Variants in GRIA4 observed in about 807,000 individuals in gnomAD.
GRIA4 encodes the protein glutamate receptor 4.
In GRIA4, 34 loss-of-function variants were observed where a neutral mutation model predicts 104.0. The ratio of observed to expected loss-of-function variants is 0.33; its 90% confidence interval spans 0.25 to 0.44. The LOEUF (loss-of-function observed/expected upper bound fraction) is 0.44. Ranked by LOEUF, GRIA4 falls within the 20% of genes least tolerant of loss-of-function variation. The pLI is 1.00. For missense variants in GRIA4, 750 were observed against 1,096.5 expected (o/e 0.68, Z 4.46); for synonymous variants, 386 against 381.9 (o/e 1.01, Z -0.13).
At chr11:105,891,099 T>A (rs1314970562) in intron 6 of GRIA4, among the ~76,000 whole-genome samples, 1 of 152,228 alleles carries the variant, frequency 6.6e-6, no homozygotes, top group African/African-American at 2.4e-5. Context: ...ATTGCTTCCC[T>A]AATTTGCCCC....
intron 4 of GRIA4, among the ~76,000 whole-genome samples, chr11:105,831,955 C>A (rs561600613): frequency 6.6e-6 from 1 of 151,974 alleles, no homozygotes; most frequent in African/African-American, 2.4e-5. Flanking sequence ...GAGAAGTAAG[C>A]GTAGCAGAGA....
chr11:105,891,773 C>A (rs1462547732), intron 6 of GRIA4, among the ~76,000 whole-genome samples: 3 of 152,066 alleles, frequency 2.0e-5, no homozygotes, highest in Non-Finnish European at 2.9e-5. Flanking sequence ...TATTTTATAA[C>A]CCCTCTGTAA....
intron 4 of GRIA4, among the ~76,000 whole-genome samples, chr11:105,766,846 A>C (rs970051240): frequency 2.0e-5 from 3 of 152,106 alleles, no homozygotes; most frequent in African/African-American, 7.2e-5. Context: ...CACATGTGTA[A>C]GAAGACCTCA....
intron 7 of GRIA4, among the ~76,000 whole-genome samples, chr11:105,903,483 G>A (rs1349377421): frequency 6.6e-6 from 1 of 152,180 alleles, no homozygotes; most frequent in Non-Finnish European, 1.5e-5. Flanking sequence ...ATTAGCCTTT[G>A]ATACATTAGC....
chr11:105,632,931 T>G (rs4754133), intron 3 of GRIA4, among the ~76,000 whole-genome samples: 2 of 151,932 alleles, frequency 1.3e-5, no homozygotes, highest in Non-Finnish European at 2.9e-5. Context: ...AAAATGCACA[T>G]TTCAATGGCT....
At chr11:105,903,101 C>T (rs1391505338) in intron 7 of GRIA4, among the ~76,000 whole-genome samples, 1 of 152,098 alleles carries the variant, frequency 6.6e-6, no homozygotes, top group East Asian at 1.9e-4. Context: ...GATGGTCTAC[C>T]CTTCACATCT....
intron 9 of GRIA4, 57 bp from the exon 10 acceptor site, chr11:105,910,378 A>G: frequency 1.2e-6 from 1 of 836,770 alleles, no homozygotes; most frequent in Non-Finnish European, 2.1e-6. Context: ...TTTTTCTAAG[A>G]AGAACTAGAG....
intron 3 of GRIA4, among the ~76,000 whole-genome samples, chr11:105,738,015 AC>A (rs1295743282): frequency 2.0e-5 from 2 of 100,164 alleles, no homozygotes; most frequent in African/African-American, 3.6e-5. Context: ...TCCCCCTCCC[AC>A]CCCCCTGCCC....
chr11:105,887,051 T>C (rs1946291242), intron 5 of GRIA4, among the ~76,000 whole-genome samples: 1 of 152,036 alleles, frequency 6.6e-6, no homozygotes, highest in African/African-American at 2.4e-5. Flanking sequence ...TAAACAGAGA[T>C]TGTGCCTTAG....
chr11:105,895,104 C>T lies in GRIA4; in HGVS notation c.727-3165C>T, dbSNP rs546274074. On this transcript the variant is annotated intron_variant, in intron 6 of 16. Transcript: ENST00000282499. ...GTGAGCCACCGCGCCCGGCCTATTG[C>T]TACATATTTTATTCCCACCAAAAAA... Among the ~76,000 whole-genome samples, 9 of 152,244 alleles carry T rather than the reference C, an allele frequency of 5.9e-5. No homozygotes were observed. The South Asian group carries it at 1.9e-3, about 32-fold the overall frequency.
chr11:105,818,827 G>A (rs1418403918), intron 4 of GRIA4, among the ~76,000 whole-genome samples: 1 of 152,056 alleles, frequency 6.6e-6, no homozygotes, highest in African/African-American at 2.4e-5. Flanking sequence ...ATTTAATATA[G>A]GCCTCTGAAA....
chr11:105,616,057 A>G (rs1342272586), intron 3 of GRIA4, among the ~76,000 whole-genome samples: 1 of 151,770 alleles, frequency 6.6e-6, no homozygotes, highest in East Asian at 1.9e-4. Context: ...GGCAATAAGA[A>G]GTACTAATAG....
chr11:105,646,796 A>T, intron 3 of GRIA4, among the ~76,000 whole-genome samples: 1 of 152,202 alleles, frequency 6.6e-6, no homozygotes, highest in South Asian at 2.1e-4. Context: ...TTAACTCAAG[A>T]CAGATTAGAG....
chr11:105,857,882 T>C (rs1006339179), intron 4 of GRIA4, among the ~76,000 whole-genome samples: 3 of 152,156 alleles, frequency 2.0e-5, no homozygotes, highest in African/African-American at 7.2e-5. Context: ...GTTAAATAAC[T>C]CTTGCAAACA....
At chr11:105,772,365 T>C (rs1298274783) in intron 4 of GRIA4, among the ~76,000 whole-genome samples, 1 of 152,178 alleles carries the variant, frequency 6.6e-6, no homozygotes, top group Non-Finnish European at 1.5e-5. Flanking sequence ...GCAGCCACAG[T>C]TGCTCACCAA....
chr11:105,780,013 G>A (rs1941655516), intron 4 of GRIA4, among the ~76,000 whole-genome samples: 2 of 152,166 alleles, frequency 1.3e-5, no homozygotes, highest in Middle Eastern at 3.4e-3. Flanking sequence ...GTGGAATTGT[G>A]GAACATTAAA....
At chr11:105,968,069 G>C (rs1345767298) in intron 14 of GRIA4, among the ~76,000 whole-genome samples, 1 of 152,200 alleles carries the variant, frequency 6.6e-6, no homozygotes, top group Non-Finnish European at 1.5e-5. Flanking sequence ...TGCCAATTCA[G>C]TGCAGAAGGG....
intron 4 of GRIA4, among the ~76,000 whole-genome samples, chr11:105,786,190 A>G (rs1325606774): frequency 6.6e-6 from 1 of 150,618 alleles, no homozygotes; most frequent in African/African-American, 2.4e-5. Flanking sequence ...AGTATCTGCT[A>G]TTGACCAGCA....
At chr11:105,860,727 G>A (rs1488726060) in intron 4 of GRIA4, among the ~76,000 whole-genome samples, 1 of 152,104 alleles carries the variant, frequency 6.6e-6, no homozygotes, top group African/African-American at 2.4e-5. Flanking sequence ...TTGGGAGGCT[G>A]AGGCAGGTGG....
Sources: gnomAD v4.1 joint callset for allele counts (sites outside exome capture counted in the v4.1 genomes callset) on GRCh38, gnomAD v4.1.1 for gene constraint, MANE v1.5 for transcripts, NCBI Gene and HGNC (gene_info 2026-07-23, HGNC 2026-07-21) for gene names.